Variants in WDR27 observed in about 807,000 individuals in gnomAD.
WDR27 encodes the protein WD repeat-containing protein 27.
WDR27 carries 100 observed loss-of-function variants against 114.4 expected under a neutral mutation model. The ratio of observed to expected loss-of-function variants is 0.87; its 90% CI spans 0.74 to 1.03. The LOEUF (loss-of-function observed/expected upper bound fraction) is 1.03. WDR27 is among the 50% of genes least tolerant of loss of function. The pLI is 0.00. For missense variants in WDR27, 1,129 were observed against 1,092.9 expected (o/e 1.03, Z -0.47); for synonymous variants, 449 against 423.1 (o/e 1.06, Z -0.75).
chr6:169,443,795 A>C, the WDR27 span, among the ~76,000 whole-genome samples: 2 of 152,166 alleles, frequency 1.3e-5, no homozygotes, highest in Non-Finnish European at 2.9e-5. Context: ...AGCTGCCTCC[A>C]ATAGAAGACT....
intron 25 of WDR27, among the ~76,000 whole-genome samples, chr6:169,482,749 C>T (rs1220662616): frequency 1.3e-5 from 2 of 152,192 alleles, no homozygotes; most frequent in Non-Finnish European, 2.9e-5. Context: ...TTCATCACCA[C>T]ATGTCACATA....
intron 25 of WDR27, among the ~76,000 whole-genome samples, chr6:169,510,910 T>C (rs11961224): frequency 0.014 from 2,067 of 152,280 alleles, 46 homozygotes; most frequent in African/African-American, 0.047. Context: ...AACCTAAGAT[T>C]ACAAGGCAAA....
At chr6:169,696,312 A>T (rs992476663) in intron 1 of WDR27, among the ~76,000 whole-genome samples, 1 of 152,212 alleles carries the variant, frequency 6.6e-6, no homozygotes, top group Non-Finnish European at 1.5e-5. Flanking sequence ...TCTTGGGAAG[A>T]ATGGCGCAGT....
chr6:169,500,238 T>C (rs1249272470), intron 25 of WDR27, among the ~76,000 whole-genome samples: 1 of 152,302 alleles, frequency 6.6e-6, no homozygotes, highest in South Asian at 2.1e-4. Flanking sequence ...GTTTGGCCTA[T>C]GTGGAATACA....
intron 7 of WDR27, 79 bp from the exon 8 acceptor site, chr6:169,664,365 AG>A: frequency 6.2e-7 from 1 of 1,603,448 alleles, no homozygotes. Flanking sequence ...GAGGTGGAGC[AG>A]GGAGGGCAGA....
chr6:169,697,060 G>A (rs957398131), intron 1 of WDR27, among the ~76,000 whole-genome samples: 5 of 152,174 alleles, frequency 3.3e-5, no homozygotes, highest in African/African-American at 9.7e-5. Flanking sequence ...AGCTGTTCCA[G>A]TATAATAAAA....
chr6:169,502,854 C>T (rs1791513375), intron 25 of WDR27, among the ~76,000 whole-genome samples: 1 of 152,136 alleles, frequency 6.6e-6, no homozygotes, highest in East Asian at 1.9e-4. Flanking sequence ...CAGACACTGA[C>T]CCATTCTTGA....
rs796104021 is a variant in WDR27 at position 169,480,400 on chromosome 6, C to T, written c.2646-22766G>A. Among the ~76,000 whole-genome samples the T allele has an allele frequency of 5.3e-5, 8 of 152,354 alleles. 1 individual carries two copies. The Middle Eastern group carries it at 0.014, about 259-fold the overall frequency. ...CCTGCTCTGCAGCACCCGGTCCTGT[C>T]GACTGCCCAAGGGGTTAGGTATGCA... On this transcript the variant is annotated intron_variant, in intron 25 of 25. Transcript: ENST00000448612.
chr6:169,565,062 T>C (rs1534960), intron 25 of WDR27, among the ~76,000 whole-genome samples: 89,813 of 151,898 alleles, frequency 0.59, 29,280 homozygotes, highest in Non-Finnish European at 0.72. Flanking sequence ...GAGCCCAGTC[T>C]AGCCAAGCCT....
At chr6:169,597,616 C>G (rs1269042576) in intron 23 of WDR27, among the ~76,000 whole-genome samples, 1 of 152,106 alleles carries the variant, frequency 6.6e-6, no homozygotes, top group Non-Finnish European at 1.5e-5. Context: ...AGGTACTGAC[C>G]TCTAATATTC....
chr6:169,651,980 G>T lies in WDR27; in HGVS notation c.1431C>A (p.Arg477=). 1 of 1,613,848 alleles carries T rather than the reference G, an allele frequency of 6.2e-7. No homozygotes were observed. Among genetic ancestry groups the T allele is most frequent in the Middle Eastern group, 1.6e-4 (1 of 6,062 alleles). The part of the protein sequence containing the change: ...RAARNVMKDQ[R]LVFHSKVRSS... ...ACCTAACTTTACTATGGAAAACCAG[G>T]CGTTGGTCCTTCATGACGTTCCGTG... The change falls in exon 14 of 26, where the codon CGC becomes CGA. Residue 477 remains arginine, a synonymous_variant. Coordinates refer to ENST00000448612, the MANE Select transcript of WDR27 (RefSeq NM_182552.5).
chr6:169,429,430 CTTT>C, the WDR27 span, among the ~76,000 whole-genome samples: 1 of 142,236 alleles, frequency 7.0e-6, no homozygotes, highest in Non-Finnish European at 1.5e-5. Context: ...AGACTGAGTC[CTTT>C]TTTTTTTTTT....
chr6:169,550,839 C>T (rs968823374), intron 25 of WDR27, among the ~76,000 whole-genome samples: 4 of 152,140 alleles, frequency 2.6e-5, no homozygotes, highest in Admixed American at 2.0e-4. Context: ...CCTCAGCATC[C>T]CAAGTAGCTG....
chr6:169,485,513 T>C (rs889351323), intron 25 of WDR27, among the ~76,000 whole-genome samples: 1 of 152,154 alleles, frequency 6.6e-6, no homozygotes, highest in Non-Finnish European at 1.5e-5. Flanking sequence ...AAATAACAGA[T>C]GCTGGTGAGA....
Position 169,672,332 on chromosome 6 carries a change from G to A in WDR27, c.254C>T (p.Pro85Leu). The change falls in exon 3 of 26, where the codon CCA becomes CTA. Residue 85 changes from proline to leucine, a missense_variant. Pro to Leu is a moderately conservative substitution (Grantham distance 98, BLOSUM62 -3). Coordinates refer to ENST00000448612, the MANE Select transcript of WDR27 (RefSeq NM_182552.5). ...CAGTGATGCTGAGCAGATTAGAAGTGGGTTCACTTTATTTCCAAAAGCCAT... is the reference window on the plus strand; with the variant it reads ...CAGTGATGCTGAGCAGATTAGAAGTAGGTTCACTTTATTTCCAAAAGCCAT... The part of the protein sequence containing the change: ...TAMAFGNKVN[P>L]LLICSASLDY... 6.2e-7 allele frequency: 1 copy of A among 1,613,230 alleles called. No homozygotes were observed. Among genetic ancestry groups the A allele is most frequent in the Non-Finnish European group, 8.5e-7 (1 of 1,179,446 alleles).
intron 23 of WDR27, among the ~76,000 whole-genome samples, chr6:169,594,119 C>G (rs1216698720): frequency 6.6e-6 from 1 of 152,132 alleles, no homozygotes; most frequent in African/African-American, 2.4e-5. Context: ...TCCAGAGACA[C>G]TGATATATCA....
At chr6:169,521,916 A>G (rs912047330) in intron 25 of WDR27, among the ~76,000 whole-genome samples, 38 of 152,132 alleles carry the variant, frequency 2.5e-4, no homozygotes, top group Middle Eastern at 3.4e-3. Flanking sequence ...ACCAGAAAAC[A>G]AGCAAAGAGA....
intron 25 of WDR27, among the ~76,000 whole-genome samples, chr6:169,497,196 G>A (rs1790516865): frequency 6.6e-6 from 1 of 152,084 alleles, no homozygotes; most frequent in African/African-American, 2.4e-5. Context: ...AACAAATGGT[G>A]CTGGCAAAGC....
chr6:169,465,483 G>A (rs1785459379), intron 25 of WDR27, among the ~76,000 whole-genome samples: 1 of 152,048 alleles, frequency 6.6e-6, no homozygotes, highest in Admixed American at 6.6e-5. Context: ...AAAACAGTAT[G>A]AATTTTTTTC....
Sources: gnomAD v4.1 joint callset for allele counts (sites outside exome capture counted in the v4.1 genomes callset) on GRCh38, gnomAD v4.1.1 for gene constraint, MANE v1.5 for transcripts, NCBI Gene and HGNC (gene_info 2026-07-23, HGNC 2026-07-21) for gene names.